Variants in ME1 observed in about 807,000 individuals in gnomAD.
ME1 encodes malic enzyme 1.
In ME1, 74 loss-of-function variants were observed where a neutral mutation model predicts 66.4. That is an observed-to-expected ratio of 1.11 (90% CI 0.92 to 1.35). The LOEUF is 1.35. ME1 is among the 40% of genes most tolerant of loss of function. The pLI, the probability that ME1 is intolerant of heterozygous loss-of-function variation, is 0.00. For synonymous variants in ME1, 251 were observed against 235.6 expected (o/e 1.07, Z -0.60); for missense variants, 750 against 694.1 (o/e 1.08, Z -0.90).
chr6:83,317,595 T>A (rs927155826), intron 5 of ME1, among the ~76,000 whole-genome samples: 3 of 151,892 alleles, frequency 2.0e-5, no homozygotes, highest in Non-Finnish European at 4.4e-5. Flanking sequence ...AGATACACAA[T>A]CATGTCGTCT....
intron 1 of ME1, among the ~76,000 whole-genome samples, chr6:83,422,659 T>C (rs907483423): frequency 3.3e-5 from 5 of 152,100 alleles, no homozygotes; most frequent in African/African-American, 1.2e-4. Flanking sequence ...CTATACCAAA[T>C]GGAAATTTTA....
At chr6:83,242,993 A>G (rs578064439) in intron 7 of ME1, among the ~76,000 whole-genome samples, 2 of 152,168 alleles carry the variant, frequency 1.3e-5, no homozygotes, top group African/African-American at 4.8e-5. Context: ...GCAGAGGTTT[A>G]TGTCCTGTAA....
At chr6:83,283,145 G>T (rs1455896244) in intron 6 of ME1, among the ~76,000 whole-genome samples, 1 of 144,764 alleles carries the variant, frequency 6.9e-6, no homozygotes, top group Non-Finnish European at 1.5e-5. Context: ...GGAGAATGGC[G>T]TGAACCCGGG....
At chr6:83,403,101 C>G (rs1769867274) in intron 2 of ME1, among the ~76,000 whole-genome samples, 1 of 152,132 alleles carries the variant, frequency 6.6e-6, no homozygotes, top group South Asian at 2.1e-4. Context: ...TAAGGAATAT[C>G]GACGAGAGTA....
At chr6:83,378,630 A>G (rs1330828881) in intron 3 of ME1, among the ~76,000 whole-genome samples, 3 of 151,508 alleles carry the variant, frequency 2.0e-5, no homozygotes, top group Non-Finnish European at 4.4e-5. Flanking sequence ...ATATTTGTCC[A>G]TTGATTGGAG....
intron 6 of ME1, among the ~76,000 whole-genome samples, chr6:83,305,545 G>A (rs1303069180): frequency 6.6e-6 from 1 of 151,464 alleles, no homozygotes; most frequent in African/African-American, 2.4e-5. Context: ...GGAAAAGCAA[G>A]TGAAAATATT....
intron 9 of ME1, 109 bp downstream of exon 9, chr6:83,237,608 C>A (rs547029306): frequency 3.5e-4 from 187 of 530,568 alleles, no homozygotes; most frequent in South Asian, 3.1e-5. Flanking sequence ...TTAATGGCTA[C>A]TCTTTTAATA....
At chr6:83,262,807 C>T (rs75569438) in intron 6 of ME1, among the ~76,000 whole-genome samples, 116 of 152,268 alleles carry the variant, frequency 7.6e-4, no homozygotes, top group Non-Finnish European at 1.2e-3. Flanking sequence ...TAGCCACGTA[C>T]GGTAGAGCAG....
At chr6:83,414,352 T>C (rs976733879) in intron 1 of ME1, among the ~76,000 whole-genome samples, 8 of 152,096 alleles carry the variant, frequency 5.3e-5, no homozygotes, top group African/African-American at 1.9e-4. Flanking sequence ...TAAACACAGC[T>C]TCTTTACACA....
intron 9 of ME1, among the ~76,000 whole-genome samples, chr6:83,236,536 A>C (rs1790405606): frequency 6.6e-6 from 1 of 152,232 alleles, no homozygotes; most frequent in South Asian, 2.1e-4. Flanking sequence ...CAGTTTAAAG[A>C]ATGATTGATA....
At chr6:83,349,147 A>G (rs1768750475) in intron 4 of ME1, among the ~76,000 whole-genome samples, 2 of 150,984 alleles carry the variant, frequency 1.3e-5, no homozygotes, top group Non-Finnish European at 2.9e-5. Context: ...AGTTTTTAAA[A>G]TATGTTTTGA....
At chr6:83,343,064 G>C (rs1368304526) in intron 5 of ME1, among the ~76,000 whole-genome samples, 3 of 151,940 alleles carry the variant, frequency 2.0e-5, no homozygotes, top group African/African-American at 7.3e-5. Context: ...ATACAGTGTT[G>C]GTAACTGTAG....
At chr6:83,365,055 A>G (rs1014018573) in intron 3 of ME1, among the ~76,000 whole-genome samples, 10 of 151,692 alleles carry the variant, frequency 6.6e-5, no homozygotes, top group African/African-American at 2.2e-4. Context: ...CTCTCACCTC[A>G]CTTGTCCTCA....
chr6:83,223,984 A>C (rs759494189), intron 11 of ME1, 51 bp from the exon 12 acceptor site: 31 of 1,529,628 alleles, frequency 2.0e-5, no homozygotes, highest in Non-Finnish European at 2.7e-5. Context: ...GAATATTTTA[A>C]AACAAATGTA....
intron 2 of ME1, among the ~76,000 whole-genome samples, chr6:83,405,072 C>T (rs1769913202): frequency 1.3e-5 from 2 of 152,134 alleles, no homozygotes; most frequent in South Asian, 4.1e-4. Flanking sequence ...ATGGGTATAA[C>T]ATTGAATTAT....
intron 5 of ME1, among the ~76,000 whole-genome samples, chr6:83,344,255 C>T (rs1313328293): frequency 6.2e-5 from 9 of 144,766 alleles, no homozygotes; most frequent in African/African-American, 2.3e-4. Context: ...CACTGCACTA[C>T]AGCCTGGGTG....
intron 1 of ME1, 70 bp downstream of exon 1, chr6:83,430,807 G>C: frequency 7.4e-7 from 1 of 1,347,952 alleles, no homozygotes; most frequent in East Asian, 2.6e-5. Context: ...CATGGTGCGG[G>C]GACCTGCAAG....
intron 3 of ME1, among the ~76,000 whole-genome samples, chr6:83,352,748 CAAGT>C (rs1461631289): frequency 6.6e-6 from 1 of 152,170 alleles, no homozygotes; most frequent in Non-Finnish European, 1.5e-5. Flanking sequence ...AAAATCTTAA[CAAGT>C]AACTTCACAA....
Position 83,381,742 on chromosome 6 carries a change from G to A in ME1, c.362+16625C>T, listed in dbSNP as rs150251057. 3.3e-4 allele frequency among the ~76,000 whole-genome samples: 50 copies of A among 152,222 alleles called. No homozygotes were observed. The East Asian group carries it at 7.5e-3, about 23-fold the overall frequency. On this transcript the variant is annotated intron_variant, in intron 3 of 13. Transcript: ENST00000369705. ...ATTCAAAGCAATTAAGAATTGGAAA[G>A]GGATCCAATACTGCAAGTCTTCTTA...
Sources: allele counts gnomAD v4.1 joint callset (sites outside exome capture counted in the v4.1 genomes callset), GRCh38; gene constraint gnomAD v4.1.1; transcripts MANE v1.5; gene names NCBI Gene and HGNC (gene_info 2026-07-23, HGNC 2026-07-21).